Variants in TARS1 observed in about 807,000 individuals in gnomAD.
The protein encoded by TARS1 is threonyl-tRNA synthetase 1, also known as threonine--tRNA ligase 1, cytoplasmic.
Under a neutral mutation model 97.7 loss-of-function variants are expected in TARS1, and 57 were observed. That is an observed-to-expected ratio of 0.58 (90% CI 0.47 to 0.73). The LOEUF is 0.73. Ranked by LOEUF, TARS1 falls within the 30% of genes least tolerant of loss-of-function variation. The pLI is 0.00. For missense variants in TARS1, 806 were observed against 888.3 expected, an observed-to-expected ratio of 0.91 and a Z score of 1.18; for synonymous variants, 312 against 293.7, an observed-to-expected ratio of 1.06 and a Z score of -0.64.
intron 3 of TARS1, 39 bp from the exon 4 acceptor site, chr5:33,453,249 TA>T (rs2111959682): frequency 6.5e-7 from 1 of 1,545,404 alleles, no homozygotes; most frequent in African/African-American, 1.4e-5. Context: ...CGTGTGTACT[TA>T]TATATGTGTG....
At chr5:33,461,119 A>C in intron 12 of TARS1, 39 bp from the exon 13 acceptor site, 1 of 1,605,170 alleles carries the variant, frequency 6.2e-7, no homozygotes, top group South Asian at 1.1e-5. Context: ...AAGTCAAGGA[A>C]AATAACTACT....
At position 33,461,937 on chromosome 5, in the gene TARS1, G is replaced by A. The variant is rs1258551672; in HGVS notation, c.1661G>A (p.Arg554Gln). The change falls in exon 15 of 19, where the codon CGG becomes CAG. Residue 554 changes from arginine (R) to glutamine (Q), a missense_variant. Arg to Gln is a conservative substitution (Grantham distance 43). Transcript: ENST00000265112. The part of the protein sequence containing the change: ...IDIQIKDAIG[R>Q]YHQCATIQLD... ...ATACAGATTAAAGATGCGATTGGGC[G>A]GTACCACCAGTGTGCAACCATCCAG... 40 of 1,613,824 alleles carry A rather than the reference G, an allele frequency of 2.5e-5. No individual in the cohort carries two copies. Among genetic ancestry groups the A allele is most frequent in the Non-Finnish European group, 3.1e-5 (37 of 1,179,898 alleles).
rs377268589 is a variant in TARS1, at chr5:33,463,712, A to G, written c.1836-41A>G. On this transcript the variant is annotated intron_variant, in intron 16 of 18. Transcript: ENST00000265112. ...AATATGCTGTCCCTGTTTAGTGAAT[A>G]TGCCCACATCTACACTGAATATTTT... 889 of 1,526,240 alleles carry G rather than the reference A, an allele frequency of 5.8e-4. 5 individuals carry two copies. In the South Asian group the frequency reaches 6.6e-3, roughly 11 times the overall value. The allele number at this position is 1,526,240 out of a possible 1,614,324, so 94.5% of individuals were successfully genotyped here. A position where few individuals can be genotyped will look rare whatever the true frequency, so the allele number is the denominator to read the frequency against.
In TARS1 at chr5:33,456,043, T is replaced by C; in HGVS notation, c.735T>C (p.Asn245=). 6.2e-7 allele frequency: 1 copy of C among 1,613,930 alleles called. No homozygotes were observed. Among genetic ancestry groups the C allele is most frequent in the Non-Finnish European group, 8.5e-7 (1 of 1,179,870 alleles). ...GCCGGATATTGAATGAAAAGGTGAATACTCCAACTACCACAGTCTATAGGT... is the reference window on the plus strand; with the variant it reads ...GCCGGATATTGAATGAAAAGGTGAACACTCCAACTACCACAGTCTATAGGT... ...FKCRILNEKV[N]TPTTTVYRCG... Residue 245 remains asparagine, a synonymous_variant, in exon 7 of 19, where the codon AAT becomes AAC. Transcript: ENST00000265112.
At chr5:33,454,507 TAAC>T (rs1264039667) in intron 4 of TARS1, among the ~76,000 whole-genome samples, 4 of 152,226 alleles carry the variant, frequency 2.6e-5, no homozygotes, top group Non-Finnish European at 5.9e-5. Flanking sequence ...TTTGGGCCAG[TAAC>T]AACATGTAAT....
At position 33,443,320 on chromosome 5, in the gene TARS1, C is replaced by CTCTCTCTCTCTCTCTCT. The variant is rs1741220535; in HGVS notation, c.58-2004_58-2003insTCTCTCTCTCTCTCTCT. 1.0e-4 allele frequency among the ~76,000 whole-genome samples: 12 copies of CTCTCTCTCTCTCTCTCT among 118,482 alleles called. 1 individual carries two copies. The highest frequency in any genetic ancestry group is 1.8e-4 in the Admixed American group (2 of 10,922). 77.7% of individuals were successfully genotyped at this position (118,482 alleles called of 152,430 possible). ...TGTGGTGATTCCCTCTCTCTCTCTC[C>CTCTCTCTCTCTCTCTCT]CTCTCTCTCTCTCTCTCTCTCTCTC... On this transcript the variant is annotated intron_variant, in intron 1 of 18. Transcript: ENST00000265112.
chr5:33,450,711 TGTTA>T (rs1454590175), intron 3 of TARS1, among the ~76,000 whole-genome samples: 2 of 152,242 alleles, frequency 1.3e-5, no homozygotes, highest in East Asian at 3.8e-4. Context: ...TTTAGGCTTC[TGTTA>T]GTTTGGGAAC....
At chr5:33,446,546 G>A (rs1238259828) in intron 2 of TARS1, 9 of 501,792 alleles carry the variant, frequency 1.8e-5, no homozygotes, top group Non-Finnish European at 3.0e-5. Context: ...TATGTTTAAC[G>A]ATTGGTCTGG....
Position 33,466,960 on chromosome 5 carries a change from G to A in TARS1, c.1998G>A (p.Gln666=), listed in dbSNP as rs1446751746. 6.3e-7 allele frequency: 1 copy of A among 1,591,914 alleles called. No individual in the cohort carries two copies. The highest frequency in any genetic ancestry group is 8.6e-7 in the Non-Finnish European group (1 of 1,169,548). ...TGAATAAAAAGATTCGAAATGCACA[G>A]TTAGCACAGTATAACTTCATTTTAG... ...CTLNKKIRNA[Q]LAQYNFILVV... is the part of the protein sequence containing the mutation. The change falls in exon 18 of 19, where the codon CAG becomes CAA. Residue 666 remains glutamine, a synonymous_variant. Transcript: ENST00000265112.
rs1561077591 is a variant in TARS1, at chr5:33,461,142, G to GT, written c.1414-10dup. 6.3e-7 allele frequency: 1 copy of GT among 1,599,012 alleles called. No individual in the cohort carries two copies. The highest frequency in any genetic ancestry group is 8.5e-7 in the Non-Finnish European group (1 of 1,173,820). On this transcript the variant is annotated splice_polypyrimidine_tract_variant and intron_variant, in intron 12 of 18. Transcript: ENST00000265112. ...GAAAATAACTACTGTTTCTTTTTTT[G>GT]TTTTTTAATTTGAAGATTGAAGATG...
rs1579585444 is a variant in TARS1 at position 33,456,052 on chromosome 5, T to C, written c.744T>C (p.Thr248=). 1 of 1,613,880 alleles carries C rather than the reference T, an allele frequency of 6.2e-7. No individual in the cohort carries two copies. Among genetic ancestry groups the C allele is most frequent in the Non-Finnish European group, 8.5e-7 (1 of 1,179,810 alleles). ...TGAATGAAAAGGTGAATACTCCAAC[T>C]ACCACAGTCTATAGGTAAGAATATT... ...RILNEKVNTP[T]TTVYRCGPLI... Residue 248 remains threonine, a synonymous_variant, in exon 7 of 19, where the codon ACT becomes ACC. Transcript: ENST00000265112.
chr5:33,465,705 A>C (rs947789423), intron 17 of TARS1, among the ~76,000 whole-genome samples: 10 of 152,244 alleles, frequency 6.6e-5, no homozygotes, highest in Non-Finnish European at 1.0e-4. Flanking sequence ...GTATAGGCAA[A>C]GTCACTTAGA....
intron 16 of TARS1, among the ~76,000 whole-genome samples, chr5:33,463,229 G>A (rs554270089): frequency 3.9e-5 from 6 of 152,326 alleles, no homozygotes; most frequent in Non-Finnish European, 5.9e-5. Flanking sequence ...TTCAAAGGGA[G>A]AATTGGATGG....
chr5:33,467,149 G>C (rs1742563851), intron 18 of TARS1, among the ~76,000 whole-genome samples, 164 bp downstream of exon 18: 1 of 140,604 alleles, frequency 7.1e-6, no homozygotes, highest in Non-Finnish European at 1.5e-5. Flanking sequence ...ATAAAAATAG[G>C]CTCATGCATA....
rs368068045 is a variant in TARS1 at position 33,462,216 on chromosome 5, A to C, written c.1835+13A>C. On this transcript the variant is annotated intron_variant, in intron 16 of 18. Transcript: ENST00000265112. ...ATGGGGGCAAATGGTAATTTTTGTC[A>C]CTGTCTTTTTTTTCTGATTAGTATA... 1.0e-5 allele frequency: 16 copies of C among 1,605,274 alleles called. No individual in the cohort carries two copies. Among genetic ancestry groups the C allele is most frequent in the South Asian group, 1.1e-5 (1 of 89,900 alleles).
chr5:33,467,668 T>C lies in TARS1; in HGVS notation c.2132T>C (p.Leu711Pro). 6.2e-7 allele frequency: 1 copy of C among 1,613,544 alleles called. No individual in the cohort carries two copies. Among genetic ancestry groups the C allele is most frequent in the Non-Finnish European group, 8.5e-7 (1 of 1,179,798 alleles). ...ISETIERLQQ[L>P]KEFRSKQAEE... ...GAAACTATCGAGCGGCTACAGCAGC[T>C]CAAAGAGTTCCGCAGCAAACAGGCA... The change falls in exon 19 of 19, where the codon CTC becomes CCC. Residue 711 changes from leucine to proline, a missense_variant. Physicochemically the swap from Leu to Pro is moderately conservative, Grantham distance 98. This residue lies in a region of TARS1 where 446 missense variants were observed against 511.0 expected (regional missense o/e 0.87). Transcript: ENST00000265112.
intron 10 of TARS1, 65 bp downstream of exon 10, chr5:33,458,729 C>T: frequency 8.3e-7 from 1 of 1,207,456 alleles, no homozygotes; most frequent in Non-Finnish European, 1.2e-6. Context: ...TAAATAAGGT[C>T]TACTAAAAGG....
chr5:33,459,984 G>A (rs928771778), intron 11 of TARS1, 123 bp downstream of exon 11: 10 of 1,042,076 alleles, frequency 9.6e-6, no homozygotes, highest in South Asian at 1.9e-5. Flanking sequence ...GCATTTAAAC[G>A]CAACATCTTT....
At position 33,444,632 on chromosome 5, in the gene TARS1, C is replaced by T. The variant is rs556679675; in HGVS notation, c.58-692C>T. Among the ~76,000 whole-genome samples the T allele has an allele frequency of 2.6e-5, 4 of 152,354 alleles. No homozygotes were observed. The South Asian group carries it at 8.3e-4, about 32-fold the overall frequency. ...CTTTCTAAAACAATCCTTCATTAATCAGCCTGGTTTAGTCATTTTTTCTCT... is the reference window on the plus strand; with the variant it reads ...CTTTCTAAAACAATCCTTCATTAATTAGCCTGGTTTAGTCATTTTTTCTCT... On this transcript the variant is annotated intron_variant, in intron 1 of 18. Coordinates refer to ENST00000265112, the MANE Select transcript of TARS1 (RefSeq NM_152295.5).
Sources: gnomAD v4.1 joint callset for allele counts (sites outside exome capture counted in the v4.1 genomes callset) on GRCh38, gnomAD v4.1.1 for gene constraint, gnomAD v4.1.1 regional missense constraint, MANE v1.5 for transcripts, NCBI Gene and HGNC (gene_info 2026-07-23, HGNC 2026-07-21) for gene names.